IFT122: variants seen among roughly 807,000 people sequenced by gnomAD.
IFT122 encodes intraflagellar transport protein 122 homolog.
Under a neutral mutation model 161.6 loss-of-function variants are expected in IFT122, and 118 were observed. The ratio of observed to expected loss-of-function variants is 0.73; its 90% CI spans 0.63 to 0.85. IFT122 has a LOEUF of 0.85. Among genes scored for constraint, IFT122 ranks in the 40% least tolerant of loss-of-function variants. The pLI is 0.00. For missense variants in IFT122, 1,381 were observed against 1,579.6 expected, an observed-to-expected ratio of 0.87 and a Z score of 2.13; for synonymous variants, 550 against 602.4, an observed-to-expected ratio of 0.91 and a Z score of 1.27.
At chr3:129,482,460 A>T (rs889100714) in intron 14 of IFT122, among the ~76,000 whole-genome samples, 3 of 152,186 alleles carry the variant, frequency 2.0e-5, no homozygotes, top group Admixed American at 2.0e-4. Context: ...CGGCCACTGC[A>T]GGGTTTCCTG....
chr3:129,461,261 T>C lies in IFT122; in HGVS notation c.306T>C (p.Asn102=), dbSNP rs1291975417. ...HNDAIQCVSY[N]PITHQLASCS... is the part of the protein sequence containing the mutation. ...ATGCTATACAATGTGTCTCCTACAA[T>C]CCTATTACTCATCAACTGGCATCTT... is the stretch of plus-strand genomic sequence containing the variant. The change falls in exon 5 of 30, where the codon AAT becomes AAC. Residue 102 remains asparagine, a synonymous_variant. Transcript: ENST00000348417. 6.2e-7 allele frequency: 1 copy of C among 1,613,634 alleles called. No homozygotes were observed. The highest frequency in any genetic ancestry group is 8.5e-7 in the Non-Finnish European group (1 of 1,179,632).
Position 129,495,446 on chromosome 3 carries a change from G to A in IFT122, c.2047G>A (p.Glu683Lys), listed in dbSNP as rs766636275. ...TTTCCTTTGCTTCTAATTTTTCCAG[G>A]AGAGGAAGAAGCGGGGAGAGACCAA... ...RYLELISSIE[E>K]RKKRGETNND... The change falls in exon 18 of 30, where the codon GAG becomes AAG. Residue 683 changes from glutamate to lysine, a missense_variant and splice_region_variant. By Grantham distance (56) the Glu-to-Lys change is moderately conservative. This residue lies in a region of IFT122 where 496 missense variants were observed against 502.5 expected (regional missense o/e 0.99). Coordinates refer to ENST00000348417, the MANE Select transcript of IFT122 (RefSeq NM_052989.3). 2 of 1,614,134 alleles carry A rather than the reference G, an allele frequency of 1.2e-6. No homozygotes were observed. The highest frequency in any genetic ancestry group is 1.7e-6 in the Non-Finnish European group (2 of 1,180,016).
rs780334455 is a variant in IFT122 at position 129,514,424 on chromosome 3, C to T, written c.3023C>T (p.Ala1008Val). The T allele has an allele frequency of 1.4e-5, 23 of 1,614,084 alleles. No individual in the cohort carries two copies. Among genetic ancestry groups the T allele is most frequent in the Non-Finnish European group, 1.8e-5 (21 of 1,180,030 alleles). The change falls in exon 25 of 30, where the codon GCC (alanine) becomes GTC (valine). Residue 1008 changes from alanine to valine, a missense_variant. This residue lies in a region of IFT122 where 496 missense variants were observed against 502.5 expected (regional missense o/e 0.99). Transcript: ENST00000348417. ...ILFTLAKQSKALGAYRLARHA... is the reference protein window; with the variant it reads ...ILFTLAKQSKVLGAYRLARHA... ...TTCACCTTGGCCAAGCAGAGCAAGG[C>T]CCTCGGTGCCTACAGGCTGGCCCGG...
At chr3:129,519,303 TG>T (rs1472863904) in intron 28 of IFT122, 117 bp downstream of exon 28, 1 of 1,078,468 alleles carries the variant, frequency 9.3e-7, no homozygotes, top group Non-Finnish European at 1.4e-6. Context: ...CTTCCAGATG[TG>T]GTGGCACGAA....
At chr3:129,459,458 T>G (rs1397205985) in intron 4 of IFT122, 2 of 324,304 alleles carry the variant, frequency 6.2e-6, no homozygotes, top group Non-Finnish European at 1.2e-5. Flanking sequence ...CCAGGCTAAT[T>G]TTTTGTATTT....
intron 25 of IFT122, chr3:129,514,934 C>A (rs1490499799): frequency 5.0e-6 from 2 of 396,096 alleles, no homozygotes; most frequent in African/African-American, 4.1e-5. Context: ...GGCTGTAGTT[C>A]TCCAGCAAAT....
chr3:129,516,076 A>AAC (rs1491533379), intron 26 of IFT122, among the ~76,000 whole-genome samples: 2 of 104,884 alleles, frequency 1.9e-5, no homozygotes, highest in African/African-American at 3.9e-5. Flanking sequence ...ACTGTCCCTG[A>AAC]ACACACACAC....
In IFT122 at chr3:129,440,256, C is replaced by G; in HGVS notation, c.-75C>G. 6.5e-7 allele frequency: 1 copy of G among 1,535,746 alleles called. No individual in the cohort carries two copies. The highest frequency in any genetic ancestry group is 2.4e-5 in the East Asian group (1 of 40,872). ...GTAGCCAAAGTGGCTTGTGGAGTGG[C>G]GACCGTTAGTGAGGCGGTTGCTGAG... On this transcript the variant is annotated 5_prime_UTR_variant, in exon 1 of 30. Transcript: ENST00000348417.
At chr3:129,473,882 G>T (rs374541698) in intron 9 of IFT122, among the ~76,000 whole-genome samples, 1 of 152,056 alleles carries the variant, frequency 6.6e-6, no homozygotes, top group African/African-American at 2.4e-5. Context: ...GCTTTTGGTC[G>T]CCCTGAAATG....
At position 129,449,870 on chromosome 3, in the gene IFT122, G is replaced by A; in HGVS notation, c.42-1G>A. 6.2e-7 allele frequency: 1 copy of A among 1,610,050 alleles called. No individual in the cohort carries two copies. The highest frequency in any genetic ancestry group is 1.1e-5 in the South Asian group (1 of 91,010). On this transcript the variant is annotated splice_acceptor_variant, in intron 1 of 29. Coordinates refer to ENST00000348417, the MANE Select transcript of IFT122 (RefSeq NM_052989.3). LOFTEE classifies it high-confidence loss of function. ...GTCTTTTTCCCTTGTCTTCTGTTCA[G>A]TATAAATGACATCGCATTTAAGCCT...
chr3:129,461,934 C>T (rs1383207678), intron 5 of IFT122, among the ~76,000 whole-genome samples: 3 of 152,116 alleles, frequency 2.0e-5, no homozygotes, highest in Non-Finnish European at 4.4e-5. Flanking sequence ...AGGTTATTTC[C>T]ATTAATGGTT....
intron 6 of IFT122, among the ~76,000 whole-genome samples, chr3:129,464,147 G>A (rs1448797528): frequency 6.6e-6 from 1 of 152,228 alleles, no homozygotes; most frequent in Non-Finnish European, 1.5e-5. Context: ...ACAGTACCTG[G>A]TGTACAGTAG....
chr3:129,487,768 G>A (rs950276181), intron 15 of IFT122: 9 of 253,720 alleles, frequency 3.5e-5, no homozygotes, highest in Non-Finnish European at 6.2e-5. Flanking sequence ...GGCTGTGCAC[G>A]GCTTTGCTGT....
At chr3:129,500,205 C>A in intron 19 of IFT122, 137 bp downstream of exon 19, 1 of 1,047,722 alleles carries the variant, frequency 9.5e-7, no homozygotes, top group Non-Finnish European at 1.4e-6. Context: ...TCAGGAGACA[C>A]AGAGATTGCA....
rs1559844208 is a variant in IFT122 at position 129,451,961 on chromosome 3, C to G, written c.156C>G (p.His52Gln). The change falls in exon 3 of 30, where the codon CAC (histidine) becomes CAG (glutamine). Residue 52 changes from histidine to glutamine, a missense_variant. Coordinates refer to ENST00000348417, the MANE Select transcript of IFT122 (RefSeq NM_052989.3). ...CCTTACTTCAGCCCCTCAAGGGACA[C>G]AAAGACACTGTGTACTGTGTGGCAT... ...DGTLLQPLKG[H>Q]KDTVYCVAYA... 6.2e-7 allele frequency: 1 copy of G among 1,614,044 alleles called. No individual in the cohort carries two copies.
intron 27 of IFT122, 109 bp from the exon 28 acceptor site, chr3:129,518,998 T>C: frequency 1.1e-6 from 1 of 930,776 alleles, no homozygotes; most frequent in African/African-American, 1.6e-5. Context: ...CCTGGAAAAC[T>C]CTTCCACTGG....
chr3:129,481,841 G>A, intron 14 of IFT122, 147 bp downstream of exon 14: 1 of 813,556 alleles, frequency 1.2e-6, no homozygotes, highest in Middle Eastern at 3.4e-4. Context: ...GAGTCCCAGA[G>A]GCCCTGGGCC....
intron 18 of IFT122, among the ~76,000 whole-genome samples, chr3:129,498,166 C>T (rs111642189): frequency 1.6e-4 from 25 of 152,210 alleles, no homozygotes; most frequent in South Asian, 4.1e-4. Context: ...TTGAAGGAAG[C>T]TTTTAGACCC....
chr3:129,455,272 A>C (rs1251354997), intron 3 of IFT122, among the ~76,000 whole-genome samples: 1 of 151,800 alleles, frequency 6.6e-6, no homozygotes, highest in Non-Finnish European at 1.5e-5. Context: ...TCCCTGGTTC[A>C]AGTGATTCTC....
Sources: allele counts gnomAD v4.1 joint callset (sites outside exome capture counted in the v4.1 genomes callset), GRCh38; gene constraint gnomAD v4.1.1; regional missense constraint gnomAD v4.1.1; transcripts MANE v1.5; gene names NCBI Gene and HGNC (gene_info 2026-07-23, HGNC 2026-07-21).